FTCDNL1: variants seen among roughly 807,000 people sequenced by gnomAD.
The protein encoded by FTCDNL1 is formiminotransferase N-terminal subdomain-containing protein.
Under a neutral mutation model 5.9 loss-of-function variants are expected in FTCDNL1, and 11 were observed. That is an observed-to-expected ratio of 1.87 (90% CI 1.18 to 3.10). FTCDNL1 has a LOEUF of 3.10. Ranked by LOEUF, FTCDNL1 falls within the 30% of genes most tolerant of loss-of-function variation. The pLI, the probability that FTCDNL1 is intolerant of heterozygous loss-of-function variation, is 0.00. For synonymous variants in FTCDNL1, 58 were observed against 24.8 expected (o/e 2.34, Z -3.99); for missense variants, 115 against 65.5 (o/e 1.76, Z -2.61).
chr2:199,780,304 G>GGGCA (rs1699301829), intron 3 of FTCDNL1, among the ~76,000 whole-genome samples: 1 of 152,114 alleles, frequency 6.6e-6, no homozygotes, highest in African/African-American at 2.4e-5. Flanking sequence ...AATTGACCAA[G>GGGCA]GGCAAATCCT....
chr2:199,848,774 A>G, intron 2 of FTCDNL1, 74 bp downstream of exon 2: 1 of 679,864 alleles, frequency 1.5e-6, no homozygotes, highest in Non-Finnish European at 2.7e-6. Flanking sequence ...CTGTAGATAC[A>G]GTGTGCACAG....
the FTCDNL1 span, among the ~76,000 whole-genome samples, chr2:199,685,077 G>A: frequency 3.3e-5 from 5 of 152,026 alleles, no homozygotes; most frequent in African/African-American, 7.2e-5. Context: ...CCATGTTAAT[G>A]TAACTTTCCC....
chr2:199,704,429 G>T, the FTCDNL1 span, among the ~76,000 whole-genome samples: 6 of 152,074 alleles, frequency 3.9e-5, no homozygotes, highest in Admixed American at 6.6e-5. Context: ...AGGGAAGACT[G>T]GGGGGAAGAG....
At chr2:199,678,377 C>T in the FTCDNL1 span, among the ~76,000 whole-genome samples, 1 of 152,034 alleles carries the variant, frequency 6.6e-6, no homozygotes, top group East Asian at 1.9e-4. Context: ...CATGCCATAA[C>T]CATGGCACAG....
the FTCDNL1 span, among the ~76,000 whole-genome samples, chr2:199,673,158 T>A: frequency 2.0e-5 from 3 of 151,544 alleles, no homozygotes; most frequent in Non-Finnish European, 2.9e-5. Context: ...TGAAACCCCG[T>A]CTCTACTAAA....
At chr2:199,706,974 T>C in the FTCDNL1 span, among the ~76,000 whole-genome samples, 1 of 152,224 alleles carries the variant, frequency 6.6e-6, no homozygotes, top group Admixed American at 6.5e-5. Flanking sequence ...GGCTATCTGC[T>C]CCTGGTCAGC....
At chr2:199,699,173 A>G in the FTCDNL1 span, among the ~76,000 whole-genome samples, 1 of 152,154 alleles carries the variant, frequency 6.6e-6, no homozygotes, top group Non-Finnish European at 1.5e-5. Context: ...ACAGATGTAT[A>G]AAGAAGAGCT....
chr2:199,788,777 TA>T (rs1226911559), intron 3 of FTCDNL1, among the ~76,000 whole-genome samples: 3 of 151,258 alleles, frequency 2.0e-5, no homozygotes, highest in Non-Finnish European at 1.5e-5. Context: ...AAATGATGTT[TA>T]AAAAAAAGAC....
At chr2:199,710,662 C>T in the FTCDNL1 span, among the ~76,000 whole-genome samples, 1 of 152,154 alleles carries the variant, frequency 6.6e-6, no homozygotes, top group African/African-American at 2.4e-5. Flanking sequence ...AGTTCTAACT[C>T]CTTCACTATC....
intron 3 of FTCDNL1, among the ~76,000 whole-genome samples, chr2:199,790,827 G>A (rs1195775639): frequency 6.6e-6 from 1 of 152,038 alleles, no homozygotes; most frequent in African/African-American, 2.4e-5. Flanking sequence ...ATGGGATAAA[G>A]ATACAAATAC....
At chr2:199,765,556 A>ATATATATT in intron 3 of FTCDNL1, among the ~76,000 whole-genome samples, 6 of 42,606 alleles carry the variant, frequency 1.4e-4, no homozygotes, top group Non-Finnish European at 2.4e-4. Context: ...ATATATATAT[A>ATATATATT]TTTTTTTTTT....
At chr2:199,684,547 A>G in the FTCDNL1 span, among the ~76,000 whole-genome samples, 1 of 152,342 alleles carries the variant, frequency 6.6e-6, no homozygotes, top group Admixed American at 6.5e-5. Flanking sequence ...TGATTGGGAT[A>G]AGACATACAA....
chr2:199,764,874 C>G (rs1178198208), intron 3 of FTCDNL1, among the ~76,000 whole-genome samples: 1 of 152,160 alleles, frequency 6.6e-6, no homozygotes, highest in Non-Finnish European at 1.5e-5. Context: ...TTCCCTACTC[C>G]CCCTGACCCA....
chr2:199,760,105 T>A (rs1055128166), downstream of FTCDNL1, among the ~76,000 whole-genome samples: 2 of 152,070 alleles, frequency 1.3e-5, no homozygotes, highest in African/African-American at 2.4e-5. Context: ...CATGTGTGAA[T>A]CTGGATTTGT....
chr2:199,763,348 A>G (rs948711404), intron 3 of FTCDNL1, among the ~76,000 whole-genome samples: 2 of 152,164 alleles, frequency 1.3e-5, no homozygotes, highest in Non-Finnish European at 2.9e-5. Context: ...AGCCTTTTAC[A>G]ATGTGGGTGA....
At chr2:199,846,327 C>A (rs1331618005) in intron 2 of FTCDNL1, among the ~76,000 whole-genome samples, 157 bp from the exon 3 acceptor site, 1 of 152,176 alleles carries the variant, frequency 6.6e-6, no homozygotes, top group African/African-American at 2.4e-5. Flanking sequence ...TCATGAGAGG[C>A]AATGTCCACT....
chr2:199,698,686 A>C, the FTCDNL1 span, among the ~76,000 whole-genome samples: 2 of 152,190 alleles, frequency 1.3e-5, no homozygotes, highest in African/African-American at 4.8e-5. Context: ...AAAGATCTTA[A>C]ATTAACAACC....
At chr2:199,694,618 G>C in the FTCDNL1 span, among the ~76,000 whole-genome samples, 2 of 152,132 alleles carry the variant, frequency 1.3e-5, no homozygotes, top group Non-Finnish European at 2.9e-5. Flanking sequence ...ATGAGTCCAG[G>C]AGTCTGAGAT....
chr2:199,817,160 G>A (rs1375503555), intron 4 of FTCDNL1, among the ~76,000 whole-genome samples: 1 of 152,102 alleles, frequency 6.6e-6, no homozygotes, highest in African/African-American at 2.4e-5. Context: ...TATAAATAAT[G>A]CTTTGATAAA....
Sources: allele counts gnomAD v4.1 joint callset (sites outside exome capture counted in the v4.1 genomes callset), GRCh38; gene constraint gnomAD v4.1.1; transcripts MANE v1.5; gene names NCBI Gene and HGNC (gene_info 2026-07-23, HGNC 2026-07-21).